SPAG16: variants seen among roughly 807,000 people sequenced by gnomAD.
The protein encoded by SPAG16 is sperm-associated antigen 16 protein.
In SPAG16, 86 loss-of-function variants were observed where a neutral mutation model predicts 80.4. The observed-to-expected ratio is 1.07, with a 90% CI of 0.90 to 1.28. SPAG16 has a LOEUF of 1.28. SPAG16 is among the 50% of genes most tolerant of loss of function. SPAG16 has a pLI of 0.00. For synonymous variants in SPAG16, 294 were observed against 265.9 expected (o/e 1.11, Z -1.03); for missense variants, 870 against 765.3 (o/e 1.14, Z -1.61).
intron 10 of SPAG16, among the ~76,000 whole-genome samples, chr2:213,854,697 C>G (rs959675171): frequency 6.6e-6 from 1 of 152,218 alleles, no homozygotes; most frequent in African/African-American, 2.4e-5. Flanking sequence ...AGGTGAGGTA[C>G]CTGACAAAAT....
intron 9 of SPAG16, among the ~76,000 whole-genome samples, chr2:213,457,324 G>A (rs1487546249): frequency 6.6e-6 from 1 of 152,112 alleles, no homozygotes; most frequent in Non-Finnish European, 1.5e-5. Context: ...ATGAGAGATT[G>A]TTTACTGGAA....
chr2:213,556,325 A>C lies in SPAG16; in HGVS notation c.1070+66235A>C, dbSNP rs1396876991. Among the ~76,000 whole-genome samples, 4 of 151,166 alleles carry C rather than the reference A, an allele frequency of 2.6e-5. No homozygotes were observed. In the South Asian group the frequency reaches 6.2e-4, roughly 24 times the overall value. ...AAAAAAAAAAACCAAAAAAAAAAAA[A>C]AACAAGATCTAACTATATGCTGCCT... On this transcript the variant is annotated intron_variant, in intron 10 of 15. Transcript: ENST00000331683.
intron 10 of SPAG16, among the ~76,000 whole-genome samples, chr2:213,785,904 G>A (rs762832550): frequency 4.6e-5 from 7 of 151,922 alleles, no homozygotes; most frequent in Non-Finnish European, 1.0e-4. Context: ...CTACTTGGGA[G>A]GCTGAGGTAG....
rs142992363 is a variant in SPAG16 at position 213,628,239 on chromosome 2, A to G, written c.1070+138149A>G. Among the ~76,000 whole-genome samples the G allele has an allele frequency of 1.3e-4, 20 of 152,298 alleles. No homozygotes were observed. In the East Asian group the frequency reaches 3.9e-3, roughly 29 times the overall value. On this transcript the variant is annotated intron_variant, in intron 10 of 15. Coordinates refer to ENST00000331683, the MANE Select transcript of SPAG16 (RefSeq NM_024532.5). ...CCAGCCTTTTCTTATGAGGTCAGGA[A>G]ATTCTTGAGTGTTTTCCAAGATGCA... is the stretch of plus-strand genomic sequence containing the variant.
At chr2:213,820,066 C>G (rs1483899067) in intron 10 of SPAG16, among the ~76,000 whole-genome samples, 3 of 151,362 alleles carry the variant, frequency 2.0e-5, no homozygotes, top group African/African-American at 7.3e-5. Context: ...GCGTGAGCCA[C>G]CGTTGTTTTT....
intron 5 of SPAG16, among the ~76,000 whole-genome samples, chr2:213,327,770 T>C (rs1456629731): frequency 6.6e-6 from 1 of 152,122 alleles, no homozygotes; most frequent in Non-Finnish European, 1.5e-5. Flanking sequence ...TTAGAAGATA[T>C]TTACTTACTG....
chr2:213,815,757 G>A (rs1249626118), intron 10 of SPAG16, among the ~76,000 whole-genome samples: 1 of 151,844 alleles, frequency 6.6e-6, no homozygotes, highest in Admixed American at 6.6e-5. Flanking sequence ...TAAAATATTA[G>A]ATATGTTCAT....
At chr2:214,266,369 C>T (rs1458340263) in intron 15 of SPAG16, among the ~76,000 whole-genome samples, 2 of 151,834 alleles carry the variant, frequency 1.3e-5, no homozygotes, top group Non-Finnish European at 2.9e-5. Flanking sequence ...TTTCAAGTCC[C>T]TTATCTATTG....
intron 9 of SPAG16, among the ~76,000 whole-genome samples, chr2:213,474,513 C>T (rs1394811652): frequency 6.6e-6 from 1 of 152,156 alleles, no homozygotes; most frequent in African/African-American, 2.4e-5. Flanking sequence ...TATATAGTCA[C>T]TTAACTCCTT....
intron 9 of SPAG16, among the ~76,000 whole-genome samples, chr2:213,436,111 A>G (rs2070623332): frequency 6.6e-6 from 1 of 152,230 alleles, no homozygotes; most frequent in Admixed American, 6.5e-5. Flanking sequence ...TTGCAGTCAG[A>G]AGCCCTGAGT....
At chr2:213,663,898 G>A in intron 10 of SPAG16, among the ~76,000 whole-genome samples, 1 of 152,084 alleles carries the variant, frequency 6.6e-6, no homozygotes, top group East Asian at 1.9e-4. Context: ...TGGTGTGCAT[G>A]ATGTATTAGT....
At chr2:213,396,283 T>A (rs757529395) in intron 9 of SPAG16, among the ~76,000 whole-genome samples, 7 of 152,330 alleles carry the variant, frequency 4.6e-5, no homozygotes, top group Non-Finnish European at 8.8e-5. Flanking sequence ...ATATGGAGAT[T>A]CTAGCATCTT....
chr2:213,384,987 C>T (rs547147806), intron 9 of SPAG16, among the ~76,000 whole-genome samples: 118 of 152,284 alleles, frequency 7.7e-4, no homozygotes, highest in Non-Finnish European at 1.3e-3. Flanking sequence ...TCTGCTTTCT[C>T]AGGAGTCTAT....
intron 4 of SPAG16, among the ~76,000 whole-genome samples, chr2:213,310,463 G>C (rs2063143312): frequency 1.3e-5 from 2 of 151,528 alleles, no homozygotes; most frequent in Non-Finnish European, 2.9e-5. Context: ...CAAGACACTT[G>C]AATATCTCCT....
intron 10 of SPAG16, among the ~76,000 whole-genome samples, chr2:213,771,240 C>A (rs2069226801): frequency 6.6e-6 from 1 of 151,974 alleles, no homozygotes; most frequent in African/African-American, 2.4e-5. Context: ...CGTATGTTTG[C>A]TGGATGCATG....
At chr2:213,769,713 A>C (rs1238080208) in intron 10 of SPAG16, among the ~76,000 whole-genome samples, 1 of 152,208 alleles carries the variant, frequency 6.6e-6, no homozygotes, top group African/African-American at 2.4e-5. Context: ...ATTAAAATTC[A>C]ATTTCTATTG....
intron 11 of SPAG16, among the ~76,000 whole-genome samples, chr2:213,894,911 C>G (rs1377151033): frequency 7.3e-6 from 1 of 137,470 alleles, no homozygotes; most frequent in Non-Finnish European, 1.5e-5. Context: ...AATCACTGAA[C>G]CTAGGAGGCA....
intron 10 of SPAG16, among the ~76,000 whole-genome samples, chr2:213,808,863 T>C (rs2071940734): frequency 6.6e-6 from 1 of 152,138 alleles, no homozygotes; most frequent in African/African-American, 2.4e-5. Flanking sequence ...ATTTAAGAAG[T>C]GCTGGCTCTT....
At chr2:213,319,627 G>C (rs967254267) in intron 5 of SPAG16, among the ~76,000 whole-genome samples, 1 of 151,874 alleles carries the variant, frequency 6.6e-6, no homozygotes, top group East Asian at 1.9e-4. Flanking sequence ...TTCTCACAGT[G>C]CTGCCTGGCA....
Sources: allele counts gnomAD v4.1 joint callset (sites outside exome capture counted in the v4.1 genomes callset), GRCh38; gene constraint gnomAD v4.1.1; transcripts MANE v1.5; gene names NCBI Gene and HGNC (gene_info 2026-07-23, HGNC 2026-07-21).